TEAD1: variants seen among roughly 807,000 people sequenced by gnomAD.
TEAD1 encodes the protein TEA domain transcription factor 1, also known as transcriptional enhancer factor TEF-1.
In TEAD1, 9 loss-of-function variants were observed where a neutral mutation model predicts 54.9. The ratio of observed to expected loss-of-function variants is 0.16; its 90% confidence interval spans 0.10 to 0.29. TEAD1 has a LOEUF of 0.29. Ranked by LOEUF, TEAD1 falls within the 10% of genes least tolerant of loss-of-function variation. TEAD1 has a pLI of 1.00. For synonymous variants in TEAD1, 200 were observed against 187.8 expected, an observed-to-expected ratio of 1.07 and a Z score of -0.53; for missense variants, 387 against 535.9, an observed-to-expected ratio of 0.72 and a Z score of 2.74.
Position 12,864,916 on chromosome 11 carries a change from C to CT in TEAD1, c.330+21dup, listed in dbSNP as rs762874518. 2 of 1,614,018 alleles carry CT rather than the reference C, an allele frequency of 1.2e-6. No homozygotes were observed. The highest frequency in any genetic ancestry group is 1.7e-6 in the Non-Finnish European group (2 of 1,179,944). On this transcript the variant is annotated intron_variant, in intron 5 of 12. Transcript: ENST00000527636. ...CAAGCTAAAGGTATGCGCTTTTCTG[C>CT]TTTTTGGCTTGTGGTTGCTATGCAT...
chr11:12,754,071 A>G (rs1469935551), intron 2 of TEAD1, among the ~76,000 whole-genome samples: 2 of 152,174 alleles, frequency 1.3e-5, no homozygotes, highest in Non-Finnish European at 2.9e-5. Context: ...AGATTCTCTA[A>G]TCTGATTCCT....
chr11:12,729,054 T>A (rs550577443), intron 2 of TEAD1, among the ~76,000 whole-genome samples: 2 of 151,764 alleles, frequency 1.3e-5, no homozygotes, highest in Non-Finnish European at 3.0e-5. Flanking sequence ...AATGAGTGAT[T>A]CTCTCTAATA....
intron 3 of TEAD1, among the ~76,000 whole-genome samples, chr11:12,856,496 A>G (rs1366702333): frequency 6.6e-6 from 1 of 152,174 alleles, no homozygotes; most frequent in Non-Finnish European, 1.5e-5. Context: ...AGAAATGGGC[A>G]AGGACAGTAC....
At chr11:12,889,273 G>A (rs1564978867) in intron 9 of TEAD1, among the ~76,000 whole-genome samples, 1 of 152,182 alleles carries the variant, frequency 6.6e-6, no homozygotes, top group East Asian at 1.9e-4. Context: ...GCCAAGTTAG[G>A]CAGATGAAAA....
chr11:12,684,660 G>T (rs1943296121), intron 2 of TEAD1, among the ~76,000 whole-genome samples: 1 of 152,214 alleles, frequency 6.6e-6, no homozygotes, highest in African/African-American at 2.4e-5. Context: ...CTACTTGGAA[G>T]AGTTGGAGTA....
intron 3 of TEAD1, among the ~76,000 whole-genome samples, chr11:12,811,979 G>A (rs1287582708): frequency 2.0e-5 from 3 of 152,058 alleles, no homozygotes; most frequent in Non-Finnish European, 4.4e-5. Context: ...TTTGCTTTAT[G>A]ATGTTCCTGT....
At chr11:12,835,030 G>A (rs1478594515) in intron 3 of TEAD1, among the ~76,000 whole-genome samples, 3 of 152,186 alleles carry the variant, frequency 2.0e-5, no homozygotes, top group African/African-American at 7.2e-5. Context: ...GCACAAGGCT[G>A]ACCATGTCTC....
chr11:12,880,907 A>G, intron 6 of TEAD1, 98 bp from the exon 7 acceptor site: 1 of 1,348,248 alleles, frequency 7.4e-7, no homozygotes, highest in Non-Finnish European at 1.1e-6. Context: ...GGGTGATCGA[A>G]CCTGCTGTCT....
chr11:12,830,357 A>AGTC (rs1281066128), intron 3 of TEAD1, among the ~76,000 whole-genome samples: 1 of 152,114 alleles, frequency 6.6e-6, no homozygotes, highest in Non-Finnish European at 1.5e-5. Flanking sequence ...AGACTTAAGG[A>AGTC]GTCCTAGGCC....
chr11:12,903,078 T>A (rs1001307412), intron 10 of TEAD1, among the ~76,000 whole-genome samples: 8 of 152,208 alleles, frequency 5.3e-5, no homozygotes, highest in Non-Finnish European at 1.2e-4. Context: ...CTTCCTTTTT[T>A]ATTGAATGCT....
At chr11:12,754,885 G>A (rs780223305) in intron 2 of TEAD1, among the ~76,000 whole-genome samples, 8 of 152,168 alleles carry the variant, frequency 5.3e-5, no homozygotes, top group Middle Eastern at 3.2e-3. Flanking sequence ...TAGGATAGAT[G>A]GGGCATGGCC....
intron 3 of TEAD1, among the ~76,000 whole-genome samples, chr11:12,845,008 C>G (rs1947113452): frequency 7.0e-6 from 1 of 142,700 alleles, no homozygotes; most frequent in Non-Finnish European, 1.5e-5. Context: ...GCCTGTCGCC[C>G]AGGCTAAAGT....
At chr11:12,726,548 T>TG (rs554309335) in intron 2 of TEAD1, among the ~76,000 whole-genome samples, 10 of 117,310 alleles carry the variant, frequency 8.5e-5, no homozygotes, top group African/African-American at 3.6e-4. Context: ...AGACTTAGTA[T>TG]GGGGGGAAAA....
At chr11:12,884,701 T>G (rs1485220228) in intron 9 of TEAD1, among the ~76,000 whole-genome samples, 4 of 152,060 alleles carry the variant, frequency 2.6e-5, no homozygotes, top group African/African-American at 4.8e-5. Context: ...GAATGTAAAT[T>G]GGGCCCATCA....
At position 12,908,883 on chromosome 11, in the gene TEAD1, G is replaced by GTTTTTGTTTTTTTTTTTTT. The variant is rs769023879; in HGVS notation, c.873+6775_873+6776insGTTTTTTTTTTTTTTTTTT. On this transcript the variant is annotated intron_variant, in intron 10 of 12. Transcript: ENST00000527636. ...TATGTCAGTATACTTCAAATTATCT[G>GTTTTTGTTTTTTTTTTTTT]TTTTTTTTTTTTTGAGACAGTGTTG... 8.0e-5 allele frequency among the ~76,000 whole-genome samples: 8 copies of GTTTTTGTTTTTTTTTTTTT among 99,656 alleles called. 1 individual carries two copies. Among genetic ancestry groups the GTTTTTGTTTTTTTTTTTTT allele is most frequent in the East Asian group, 4.0e-4 (1 of 2,472 alleles). 65.4% of individuals were successfully genotyped at this position (99,656 alleles called of 152,430 possible). A position where few individuals can be genotyped will look rare whatever the true frequency, so the allele number is the denominator to read the frequency against.
At chr11:12,735,278 T>A (rs997521269) in intron 2 of TEAD1, among the ~76,000 whole-genome samples, 4 of 152,212 alleles carry the variant, frequency 2.6e-5, no homozygotes, top group African/African-American at 9.7e-5. Flanking sequence ...TCTTATGTCC[T>A]CCAGTTCCTT....
chr11:12,829,608 TC>T (rs139937325), intron 3 of TEAD1, among the ~76,000 whole-genome samples: 1,873 of 152,352 alleles, frequency 0.012, 39 homozygotes, highest in African/African-American at 0.043. Context: ...ACATTTTTCT[TC>T]CTTTATCCAT....
intron 6 of TEAD1, among the ~76,000 whole-genome samples, chr11:12,880,284 C>G (rs775311715): frequency 6.6e-6 from 1 of 152,196 alleles, no homozygotes; most frequent in Non-Finnish European, 1.5e-5. Context: ...TTGACACCTA[C>G]CAAAGGCTGA....
At position 12,918,234 on chromosome 11, in the gene TEAD1, T is replaced by C. The variant is rs555474761; in HGVS notation, c.874-6678T>C. Among the ~76,000 whole-genome samples the C allele has an allele frequency of 6.6e-4, 100 of 152,042 alleles. 1 individual carries two copies. Among genetic ancestry groups the C allele is most frequent in the Non-Finnish European group, 1.2e-3 (80 of 67,974 alleles). On this transcript the variant is annotated intron_variant, in intron 10 of 12. Coordinates refer to ENST00000527636, the MANE Select transcript of TEAD1 (RefSeq NM_021961.6). The stretch of plus-strand genomic sequence containing the variant: ...TAATGCTAGCATTCTTTCTTTGATA[T>C]TACCTTCACTTCATGGGAGTTCAGT...
Sources: gnomAD v4.1 joint callset for allele counts (sites outside exome capture counted in the v4.1 genomes callset) on GRCh38, gnomAD v4.1.1 for gene constraint, MANE v1.5 for transcripts, NCBI Gene and HGNC (gene_info 2026-07-23, HGNC 2026-07-21) for gene names.